Variants in GON4L observed in about 807,000 individuals in gnomAD.
The protein encoded by GON4L is gon-4 like.
GON4L carries 87 observed loss-of-function variants against 211.8 expected under a neutral mutation model. The ratio of observed to expected loss-of-function variants is 0.41; its 90% CI spans 0.35 to 0.49. GON4L has a LOEUF of 0.49. Among genes scored for constraint, GON4L ranks in the 20% least tolerant of loss-of-function variants. The probability of loss-of-function intolerance (pLI) is 0.15; values close to 1 mark genes in which losing one functional copy is unlikely to be tolerated. For missense variants in GON4L, 2,155 were observed against 2,659.5 expected (o/e 0.81, Z 4.17); for synonymous variants, 875 against 962.6 (o/e 0.91, Z 1.68).
chr1:155,795,101 C>T lies in GON4L; in HGVS notation c.1696G>A (p.Asp566Asn). The change falls in exon 12 of 32, where the codon GAT becomes AAT. Residue 566 changes from aspartate to asparagine, a missense_variant. By Grantham distance (23) the Asp-to-Asn change is conservative. Transcript: ENST00000368331. Reference protein sequence around the residue: ...DPEYNFLEDLDEPDTEDFRTD... With the variant: ...DPEYNFLEDLNEPDTEDFRTD... Reference sequence around the variant, plus strand: ...CGGAAATCCTCTGTGTCTGGTTCATCGAGGTCTTCCAGGAAATTATATTCT... The same window carrying T: ...CGGAAATCCTCTGTGTCTGGTTCATTGAGGTCTTCCAGGAAATTATATTCT... The T allele has an allele frequency of 1.9e-6, 3 of 1,611,394 alleles. No homozygotes were observed. Among genetic ancestry groups the T allele is most frequent in the Non-Finnish European group, 2.5e-6 (3 of 1,177,508 alleles).
rs1218155519 is a variant in GON4L at position 155,783,984 on chromosome 1, A to G, written c.1892+2T>C. 1 of 1,613,502 alleles carries G rather than the reference A, an allele frequency of 6.2e-7. No individual in the cohort carries two copies. Among genetic ancestry groups the G allele is most frequent in the Non-Finnish European group, 8.5e-7 (1 of 1,179,420 alleles). On this transcript the variant is annotated splice_donor_variant, in intron 14 of 31. Coordinates refer to ENST00000368331, the MANE Select transcript of GON4L (RefSeq NM_001282860.2). LOFTEE classifies it high-confidence loss of function. The stretch of plus-strand genomic sequence containing the variant: ...AAATCTCAAGGTCTTCAACTAGCCT[A>G]CCGTAGAGCTTGAGGGGTGTTAAAG...
At chr1:155,819,738 A>T (rs1668571788) in intron 6 of GON4L, among the ~76,000 whole-genome samples, 1 of 152,218 alleles carries the variant, frequency 6.6e-6, no homozygotes, top group South Asian at 2.1e-4. Context: ...GATATAGCAC[A>T]GCTCCAAGCA....
intron 8 of GON4L, among the ~76,000 whole-genome samples, chr1:155,815,007 A>G (rs1488547346): frequency 1.3e-5 from 2 of 151,496 alleles, no homozygotes; most frequent in South Asian, 2.1e-4. Flanking sequence ...CCAGCTACTC[A>G]GGAGGCTGAG....
chr1:155,852,939 C>A (rs1309750912), intron 2 of GON4L, among the ~76,000 whole-genome samples: 1 of 152,038 alleles, frequency 6.6e-6, no homozygotes, highest in Admixed American at 6.6e-5. Context: ...ATGGTGAAAC[C>A]CCGTCTCTGG....
intron 2 of GON4L, among the ~76,000 whole-genome samples, chr1:155,829,627 C>G (rs1211191792): frequency 6.6e-6 from 1 of 152,164 alleles, no homozygotes. Context: ...AAAAAATAAA[C>G]AATATAAATT....
At chr1:155,848,988 G>A (rs1035844445) in intron 2 of GON4L, among the ~76,000 whole-genome samples, 23 of 151,026 alleles carry the variant, frequency 1.5e-4, no homozygotes, top group Admixed American at 6.6e-5. Context: ...TCTCTACTAA[G>A]ATACAAAAAA....
intron 11 of GON4L, among the ~76,000 whole-genome samples, chr1:155,800,850 G>GAAA (rs751271183): frequency 8.2e-5 from 4 of 48,978 alleles, no homozygotes; most frequent in Non-Finnish European, 1.3e-4. Context: ...CTCTGTCTCA[G>GAAA]AAAAAAAAAA....
intron 2 of GON4L, among the ~76,000 whole-genome samples, chr1:155,836,444 T>C (rs1357894012): frequency 6.6e-6 from 1 of 152,062 alleles, no homozygotes; most frequent in Non-Finnish European, 1.5e-5. Flanking sequence ...GAGACAGGGT[T>C]TCACCACATT....
At chr1:155,751,604 C>G (rs186134563) in intron 31 of GON4L, among the ~76,000 whole-genome samples, 163 bp downstream of exon 31, 139 of 152,278 alleles carry the variant, frequency 9.1e-4, no homozygotes, top group African/African-American at 3.2e-3. Flanking sequence ...CCTTTCTCTT[C>G]TAGAACCACT....
At chr1:155,841,228 C>T (rs917782454) in intron 2 of GON4L, among the ~76,000 whole-genome samples, 11 of 152,108 alleles carry the variant, frequency 7.2e-5, no homozygotes, top group African/African-American at 2.7e-4. Flanking sequence ...TTGTTTGAAA[C>T]ATTGCTAATT....
At chr1:155,823,712 T>C (rs975188403) in intron 3 of GON4L, among the ~76,000 whole-genome samples, 1 of 152,188 alleles carries the variant, frequency 6.6e-6, no homozygotes, top group East Asian at 1.9e-4. Flanking sequence ...CTGGCCAACA[T>C]GGTGAAACCT....
chr1:155,849,986 TA>T (rs367553803), intron 2 of GON4L, among the ~76,000 whole-genome samples: 2,862 of 124,164 alleles, frequency 0.023, 78 homozygotes, highest in African/African-American at 0.072. Context: ...ATTCTGCTCT[TA>T]AAAAAAAAAA....
At chr1:155,790,534 G>T (rs1557865683) in intron 12 of GON4L, among the ~76,000 whole-genome samples, 1 of 152,098 alleles carries the variant, frequency 6.6e-6, no homozygotes, top group Non-Finnish European at 1.5e-5. Flanking sequence ...TAGCCACTAC[G>T]CCCAGTTAGT....
intron 12 of GON4L, among the ~76,000 whole-genome samples, chr1:155,791,405 G>A (rs187923139): frequency 6.6e-6 from 1 of 151,870 alleles, no homozygotes; most frequent in South Asian, 2.1e-4. Flanking sequence ...AGAGTAATGT[G>A]CATGGTGAGA....
chr1:155,840,399 CTTT>C, intron 2 of GON4L, among the ~76,000 whole-genome samples: 1 of 152,090 alleles, frequency 6.6e-6, no homozygotes, highest in South Asian at 2.1e-4. Context: ...GTATTTTGGG[CTTT>C]TTAACATCTT....
intron 24 of GON4L, among the ~76,000 whole-genome samples, chr1:155,758,705 C>G (rs1661446946): frequency 1.3e-5 from 2 of 152,036 alleles, no homozygotes; most frequent in Non-Finnish European, 2.9e-5. Flanking sequence ...ATGGTGAAAC[C>G]CCATCTCTAC....
chr1:155,763,050 A>T (rs1478247769), intron 22 of GON4L, among the ~76,000 whole-genome samples: 2 of 152,148 alleles, frequency 1.3e-5, no homozygotes, highest in African/African-American at 4.8e-5. Context: ...AAAAAATAAA[A>T]AAATAAAAAA....
chr1:155,786,915 T>TA (rs777272839), intron 12 of GON4L, among the ~76,000 whole-genome samples: 1 of 149,120 alleles, frequency 6.7e-6, no homozygotes, highest in African/African-American at 2.6e-5. Context: ...GTCCTACAGT[T>TA]AAGAGTTTTT....
chr1:155,753,560 C>G, intron 28 of GON4L, 146 bp from the exon 29 acceptor site: 1 of 656,706 alleles, frequency 1.5e-6, no homozygotes, highest in South Asian at 1.8e-5. Context: ...AGAGTTTCAA[C>G]TGGGTGCAGT....
Sources: gnomAD v4.1 joint callset for allele counts (sites outside exome capture counted in the v4.1 genomes callset) on GRCh38, gnomAD v4.1.1 for gene constraint, MANE v1.5 for transcripts, NCBI Gene and HGNC (gene_info 2026-07-23, HGNC 2026-07-21) for gene names.